The following COTL1 variants were observed in gnomAD, a reference collection of about 807,000 sequenced individuals.
COTL1 encodes the protein coactosin like F-actin binding protein 1.
A neutral mutation model predicts 16.5 loss-of-function variants in COTL1; 15 were observed. The observed-to-expected ratio is 0.91, with a 90% CI of 0.61 to 1.40. The LOEUF is 1.40. COTL1 is among the 40% of genes most tolerant of loss of function. The pLI, the probability that COTL1 is intolerant of heterozygous loss-of-function variation, is 0.00. For synonymous variants in COTL1, 112 were observed against 85.3 expected (o/e 1.31, Z -1.73); for missense variants, 220 against 201.5 (o/e 1.09, Z -0.56).
chr16:84,614,312 A>AC (rs1219220122), intron 2 of COTL1, among the ~76,000 whole-genome samples: 1 of 152,150 alleles, frequency 6.6e-6, no homozygotes, highest in Non-Finnish European at 1.5e-5. Flanking sequence ...AGCAGCGCAG[A>AC]CCCAGAGCAG....
intron 2 of COTL1, among the ~76,000 whole-genome samples, chr16:84,611,197 C>A (rs1905316020): frequency 6.6e-6 from 1 of 152,256 alleles, no homozygotes; most frequent in Admixed American, 6.5e-5. Context: ...ACCACTGATG[C>A]TCTTAACCAA....
intron 2 of COTL1, among the ~76,000 whole-genome samples, chr16:84,613,268 G>A (rs551534978): frequency 2.0e-5 from 3 of 152,226 alleles, no homozygotes; most frequent in East Asian, 1.9e-4. Context: ...CCAAAGTGCC[G>A]GGATTACAGG....
chr16:84,602,249 G>C (rs1305514118), intron 2 of COTL1, among the ~76,000 whole-genome samples: 1 of 151,868 alleles, frequency 6.6e-6, no homozygotes, highest in African/African-American at 2.4e-5. Flanking sequence ...CAAGCAGATG[G>C]GCACAGCAGC....
intron 3 of COTL1, chr16:84,568,942 G>T (rs952625565): frequency 1.4e-4 from 21 of 152,226 alleles, no homozygotes; most frequent in Admixed American, 1.2e-3. Flanking sequence ...ATCTCCTTTT[G>T]GGGTGATGAA....
intron 2 of COTL1, among the ~76,000 whole-genome samples, chr16:84,607,646 C>G (rs1180836237): frequency 6.6e-6 from 1 of 152,056 alleles, no homozygotes; most frequent in East Asian, 1.9e-4. Flanking sequence ...CTGGCCAGCA[C>G]CTGTCATAAA....
chr16:84,610,885 G>T (rs1905308082), intron 2 of COTL1, among the ~76,000 whole-genome samples: 1 of 151,956 alleles, frequency 6.6e-6, no homozygotes, highest in African/African-American at 2.4e-5. Context: ...TCATGATGCT[G>T]CCCTTCATGA....
intron 3 of COTL1, among the ~76,000 whole-genome samples, chr16:84,583,263 C>T: frequency 6.6e-6 from 1 of 152,182 alleles, no homozygotes; most frequent in East Asian, 1.9e-4. Context: ...GCAGACCTGG[C>T]CTCGTGAAGG....
At chr16:84,603,293 T>A (rs973649712) in intron 2 of COTL1, among the ~76,000 whole-genome samples, 1 of 152,140 alleles carries the variant, frequency 6.6e-6, no homozygotes, top group Admixed American at 6.5e-5. Context: ...CATTACCCCA[T>A]GCAACATCCG....
At chr16:84,601,338 C>A (rs77480183) in intron 2 of COTL1, among the ~76,000 whole-genome samples, 1 of 152,344 alleles carries the variant, frequency 6.6e-6, no homozygotes, top group East Asian at 1.9e-4. Flanking sequence ...GAAATTACTG[C>A]TATGGCAAAG....
chr16:84,596,012 G>A (rs1904997763), intron 2 of COTL1: 1 of 152,152 alleles, frequency 6.6e-6, no homozygotes, highest in South Asian at 2.1e-4. Flanking sequence ...AAACTGCCCA[G>A]AAGAAGGTTG....
At chr16:84,591,246 C>T (rs776118567) in intron 2 of COTL1, among the ~76,000 whole-genome samples, 6 of 150,368 alleles carry the variant, frequency 4.0e-5, no homozygotes, top group East Asian at 2.0e-4. Flanking sequence ...TGCAGTGGCG[C>T]GATCTCGACT....
intron 2 of COTL1, among the ~76,000 whole-genome samples, chr16:84,598,954 G>C (rs1051231486): frequency 3.3e-5 from 5 of 151,688 alleles, no homozygotes; most frequent in African/African-American, 1.2e-4. Context: ...CCACAAAGGG[G>C]CTAGGGAGGG....
chr16:84,616,907 G>A (rs1372883608), intron 2 of COTL1, among the ~76,000 whole-genome samples: 5 of 152,164 alleles, frequency 3.3e-5, no homozygotes, highest in African/African-American at 4.8e-5. Flanking sequence ...CTCCCCATCA[G>A]TGGCTATCTA....
chr16:84,593,476 G>T (rs1370841850), intron 2 of COTL1, among the ~76,000 whole-genome samples: 1 of 71,118 alleles, frequency 1.4e-5, no homozygotes, highest in Non-Finnish European at 2.8e-5. Context: ...TTTCTTTATT[G>T]AGATAAAAGT....
At chr16:84,602,362 G>C (rs981407112) in intron 2 of COTL1, among the ~76,000 whole-genome samples, 3 of 150,936 alleles carry the variant, frequency 2.0e-5, no homozygotes, top group African/African-American at 7.3e-5. Context: ...CTGCACTCCA[G>C]CCTGGGCCAC....
chr16:84,614,303 G>A (rs1258921990), intron 2 of COTL1, among the ~76,000 whole-genome samples: 1 of 152,228 alleles, frequency 6.6e-6, no homozygotes, highest in Non-Finnish European at 1.5e-5. Context: ...TCGGGAAGAA[G>A]CAGCGCAGAC....
At chr16:84,573,956 A>C (rs979801888) in intron 3 of COTL1, among the ~76,000 whole-genome samples, 1 of 152,156 alleles carries the variant, frequency 6.6e-6, no homozygotes, top group African/African-American at 2.4e-5. Flanking sequence ...CGGAGTTCCA[A>C]GACTAGCCTG....
chr16:84,616,602 CT>C (rs1345695963), intron 2 of COTL1: 31 of 152,368 alleles, frequency 2.0e-4, no homozygotes, highest in African/African-American at 6.5e-4. Flanking sequence ...TGTCCGAAAG[CT>C]TGCTTCCAAC....
intron 2 of COTL1, among the ~76,000 whole-genome samples, chr16:84,598,925 C>A (rs1905060448): frequency 6.7e-6 from 1 of 149,248 alleles, no homozygotes; most frequent in Non-Finnish European, 1.5e-5. Flanking sequence ...AACCCAGTGA[C>A]AACAGAAACA....
Sources: allele counts gnomAD v4.1 joint callset (sites outside exome capture counted in the v4.1 genomes callset), GRCh38; gene constraint gnomAD v4.1.1; transcripts MANE v1.5; gene names NCBI Gene and HGNC (gene_info 2026-07-23, HGNC 2026-07-21).